Variants in ATP2A3 observed in about 807,000 individuals in gnomAD.
The protein encoded by ATP2A3 is ATPase sarcoplasmic/endoplasmic reticulum Ca2+ transporting 3.
Under a neutral mutation model 106.8 loss-of-function variants are expected in ATP2A3, and 61 were observed. The ratio of observed to expected loss-of-function variants is 0.57; its 90% CI spans 0.46 to 0.71. The LOEUF (loss-of-function observed/expected upper bound fraction) is 0.71, where lower values mean the gene tolerates loss of function less well. Ranked by LOEUF, ATP2A3 falls within the 30% of genes least tolerant of loss-of-function variation. The probability of loss-of-function intolerance (pLI) is 0.00; values close to 1 mark genes in which losing one functional copy is unlikely to be tolerated. For missense variants in ATP2A3, 1,201 were observed against 1,423.5 expected (o/e 0.84, Z 2.52); for synonymous variants, 611 against 609.3 (o/e 1.00, Z -0.04).
At chr17:3,963,931 C>A (rs932397650) in intron 1 of ATP2A3, among the ~76,000 whole-genome samples, 4 of 152,036 alleles carry the variant, frequency 2.6e-5, no homozygotes, top group African/African-American at 9.7e-5. Context: ...CCGGGAGGAC[C>A]GCGCAGAGGG....
At position 3,955,891 on chromosome 17, in the gene ATP2A3, T is replaced by TA. The variant is rs112883124; in HGVS notation, c.119-2182_119-2181insT. 1.1e-3 allele frequency among the ~76,000 whole-genome samples: 160 copies of TA among 142,392 alleles called. 2 individuals are homozygous for TA. Among genetic ancestry groups the TA allele is most frequent in the Admixed American group, 1.7e-3 (25 of 14,464 alleles). The allele number at this position is 142,392 out of a possible 152,430, so 93.4% of individuals were successfully genotyped here. On this transcript the variant is annotated intron_variant, in intron 1 of 20. Transcript: ENST00000397041. This position sits in a 1 kb window ranked among gnomAD's most constrained non-coding sequence, Gnocchi z 4.2. ...TCTCTTATTTTATTTTATTTTATTTTTTTTTTTTGAGATGGAGTCTTGCTC... is the reference window on the plus strand; with the variant it reads ...TCTCTTATTTTATTTTATTTTATTTTATTTTTTTTGAGATGGAGTCTTGCTC...
chr17:3,951,986 C>T (rs1043835114), intron 3 of ATP2A3, among the ~76,000 whole-genome samples: 1 of 152,210 alleles, frequency 6.6e-6, no homozygotes, highest in Non-Finnish European at 1.5e-5. Flanking sequence ...CCAGCAGCAG[C>T]AGCAGCTGGG....
In ATP2A3 at chr17:3,925,095, C is replaced by A. The variant is rs1032280695; in HGVS notation, c.*327G>T. 3.4e-5 allele frequency: 18 copies of A among 529,990 alleles called. No individual in the cohort carries two copies. The highest frequency in any genetic ancestry group is 5.5e-5 in the Non-Finnish European group (16 of 292,832). The allele number at this position is 529,990 out of a possible 1,614,324, so 32.8% of individuals were successfully genotyped here. On this transcript the variant is annotated 3_prime_UTR_variant, in exon 21 of 21. Transcript: ENST00000397041. This position sits in a 1 kb window ranked among gnomAD's most constrained non-coding sequence, Gnocchi z 4.2. ...CACTCGTGATTTGGGGGTGGGGGGG[C>A]CCCGGATCTCTGGGTATGCTGCCAG...
rs1467507183 is a variant in ATP2A3, at chr17:3,928,544, C to T, written c.2980+119G>A. On this transcript the variant is annotated intron_variant, in intron 20 of 20. Coordinates refer to ENST00000397041, the MANE Select transcript of ATP2A3 (RefSeq NM_005173.4). The surrounding 1 kb of genome is among the most constrained non-coding windows in gnomAD (Gnocchi z 6.1). ...CACCCTCCACTTGGTGATCCGAGAA[C>T]GCCTCCCCGATGTGCAGACAGAGAG... 46 of 1,045,596 alleles carry T rather than the reference C, an allele frequency of 4.4e-5. No homozygotes were observed. The South Asian group carries it at 4.5e-4, about 10-fold the overall frequency. 64.8% of individuals were successfully genotyped at this position (1,045,596 alleles called of 1,614,324 possible).
chr17:3,945,684 C>A (rs2054075122), intron 8 of ATP2A3, among the ~76,000 whole-genome samples: 1 of 152,242 alleles, frequency 6.6e-6, no homozygotes, highest in Non-Finnish European at 1.5e-5. Context: ...TCAGCCCCCA[C>A]CTGTGCACCT....
At chr17:3,963,757 C>A (rs1336852321) in intron 1 of ATP2A3, among the ~76,000 whole-genome samples, 2 of 152,214 alleles carry the variant, frequency 1.3e-5, no homozygotes, top group African/African-American at 4.8e-5. Flanking sequence ...CTGGGGCCAG[C>A]TGGGAGGCCG....
chr17:3,943,492 C>G lies in ATP2A3; in HGVS notation c.1318G>C (p.Ala440Pro), dbSNP rs758528080. ...AKGVYEKVGE[A>P]TETALTCLVE... ...AGGCAAGTCAGAGCTGTCTCCGTGGCCTCTCCCACCTTCTCATACACACCC... is the reference window on the plus strand; with the variant it reads ...AGGCAAGTCAGAGCTGTCTCCGTGGGCTCTCCCACCTTCTCATACACACCC... The change falls in exon 11 of 21, where the codon GCC (alanine) becomes CCC (proline). Residue 440 changes from alanine to proline, a missense_variant. By Grantham distance (27) the Ala-to-Pro change is conservative. Around this residue, in one of 2 missense-constraint regions of ATP2A3, gnomAD observed 935 missense variants for 1,176.7 expected, o/e 0.79. Transcript: ENST00000397041. 3.1e-6 allele frequency: 5 copies of G among 1,614,090 alleles called. No individual in the cohort carries two copies. The highest frequency in any genetic ancestry group is 4.2e-6 in the Non-Finnish European group (5 of 1,179,976).
chr17:3,941,038 C>T lies in ATP2A3; in HGVS notation c.2033G>A (p.Arg678His), dbSNP rs758021237. 6.2e-6 allele frequency: 10 copies of T among 1,613,742 alleles called. No individual in the cohort carries two copies. The highest frequency in any genetic ancestry group is 2.7e-5 in the African/African-American group (2 of 74,920). ...GCGGGACTTGTGTGCGGGCTCCACG[C>T]GGGCGAAGCAGCGGGCGGTGCGGCA... Reference protein sequence around the residue: ...QACRTARCFARVEPAHKSRIV... With the variant: ...QACRTARCFAHVEPAHKSRIV... Residue 678 changes from arginine (R) to histidine (H), a missense_variant, in exon 14 of 21, where the codon CGC becomes CAC. Transcript: ENST00000397041.
intron 1 of ATP2A3, among the ~76,000 whole-genome samples, chr17:3,961,058 G>A (rs753538918): frequency 1.3e-5 from 2 of 152,178 alleles, no homozygotes; most frequent in Non-Finnish European, 2.9e-5. Context: ...TGACTGTCAA[G>A]GTCAAAGCAG....
intron 8 of ATP2A3, 187 bp from the exon 9 acceptor site, chr17:3,945,335 T>C: frequency 1.9e-6 from 1 of 534,638 alleles, no homozygotes; most frequent in Non-Finnish European, 3.3e-6. Context: ...CCGTCTGCTC[T>C]GCCAGATGTG....
intron 1 of ATP2A3, among the ~76,000 whole-genome samples, chr17:3,954,920 T>A (rs1449380249): frequency 6.6e-6 from 1 of 152,206 alleles, no homozygotes; most frequent in African/African-American, 2.4e-5. Flanking sequence ...AGGGAGTTCC[T>A]GCCCTGCTTC....
chr17:3,950,970 G>A (rs1339395728), intron 5 of ATP2A3, among the ~76,000 whole-genome samples, 197 bp from the exon 6 acceptor site: 3 of 151,996 alleles, frequency 2.0e-5, no homozygotes, highest in African/African-American at 7.2e-5. Flanking sequence ...GGAGGGATCC[G>A]ACAGCCACCC....
intron 1 of ATP2A3, among the ~76,000 whole-genome samples, chr17:3,954,860 C>T (rs1003560607): frequency 3.3e-5 from 5 of 152,182 alleles, no homozygotes; most frequent in Non-Finnish European, 7.4e-5. Flanking sequence ...GTGCCTCGGG[C>T]CCCTGAAGTG....
Position 3,925,375 on chromosome 17 carries a change from C to A in ATP2A3, c.*47G>T, listed in dbSNP as rs1388735839. On this transcript the variant is annotated 3_prime_UTR_variant, in exon 21 of 21. Transcript: ENST00000397041. This position sits in a 1 kb window ranked among gnomAD's most constrained non-coding sequence, Gnocchi z 4.2. ...GGGGGCGGAGGCGAACACATGGGCA[C>A]CATCAGTCTGAGGTACACACCGGAG... 19 of 1,613,668 alleles carry A rather than the reference C, an allele frequency of 1.2e-5. No homozygotes were observed. In the Admixed American group the frequency reaches 1.5e-4, roughly 13 times the overall value.
rs2144224461 is a variant in ATP2A3 at position 3,928,948 on chromosome 17, CTT to C, written c.2863-170_2863-169del. Among the ~76,000 whole-genome samples the C allele has an allele frequency of 6.8e-6, 1 of 146,160 alleles. No individual in the cohort carries two copies. Among genetic ancestry groups the C allele is most frequent in the South Asian group, 2.2e-4 (1 of 4,506 alleles). Reference sequence around the variant, plus strand: ...TGTCCACTCAGCTGCACCCCCCGATCTTTGTCTGTTCAGCTGCACCCCCCAAT... The same window carrying C: ...TGTCCACTCAGCTGCACCCCCCGATCTGTCTGTTCAGCTGCACCCCCCAAT... On this transcript the variant is annotated intron_variant, in intron 19 of 20. Coordinates refer to ENST00000397041, the MANE Select transcript of ATP2A3 (RefSeq NM_005173.4). The surrounding 1 kb of genome is among the most constrained non-coding windows in gnomAD (Gnocchi z 6.1).
chr17:3,944,951 C>T, intron 9 of ATP2A3, 109 bp downstream of exon 9: 1 of 1,323,280 alleles, frequency 7.6e-7, no homozygotes, highest in Non-Finnish European at 9.9e-7. Flanking sequence ...CCGGGAGAGG[C>T]TCCGCCTCCT....
intron 17 of ATP2A3, among the ~76,000 whole-genome samples, chr17:3,934,203 C>T (rs1028057857): frequency 6.6e-6 from 1 of 152,026 alleles, no homozygotes; most frequent in Non-Finnish European, 1.5e-5. Flanking sequence ...GGATTACAGG[C>T]GTGAGCCACC....
rs760392585 is a variant in ATP2A3, at chr17:3,941,225, G to C, written c.1846C>G (p.Gln616Glu). Reference sequence around the variant, plus strand: ...ATCATGACCACGCGGATGCCCGCCTGGTAGCAGCGTGTGATGCAGGCAGCC... The same window carrying C: ...ATCATGACCACGCGGATGCCCGCCTCGTAGCAGCGTGTGATGCAGGCAGCC... Reference protein sequence around the residue: ...EVAACITRCYQAGIRVVMITG... With the variant: ...EVAACITRCYEAGIRVVMITG... The change falls in exon 14 of 21, where the codon CAG becomes GAG. Residue 616 changes from glutamine to glutamate, a missense_variant. Physicochemically the swap from Gln to Glu is conservative, Grantham distance 29. Around this residue, in one of 2 missense-constraint regions of ATP2A3, gnomAD observed 935 missense variants for 1,176.7 expected, o/e 0.79. Transcript: ENST00000397041. 3.1e-6 allele frequency: 5 copies of C among 1,613,978 alleles called. No individual in the cohort carries two copies. The African/African-American group carries it at 6.7e-5, about 22-fold the overall frequency.
At chr17:3,943,266 C>T (rs1400590639) in intron 11 of ATP2A3, 125 bp downstream of exon 11, 102 of 1,360,772 alleles carry the variant, frequency 7.5e-5, no homozygotes, top group Admixed American at 2.5e-4. Context: ...AATGAGACTC[C>T]GTCTCAAAAA....
Sources: allele counts gnomAD v4.1 joint callset (sites outside exome capture counted in the v4.1 genomes callset), GRCh38; gene constraint gnomAD v4.1.1; regional missense constraint gnomAD v4.1.1; non-coding constraint Gnocchi (gnomAD v3.1); transcripts MANE v1.5; gene names NCBI Gene and HGNC (gene_info 2026-07-23, HGNC 2026-07-21).